The following MYO6 variants were observed in gnomAD, a reference collection of about 807,000 sequenced individuals.
The protein encoded by MYO6 is unconventional myosin-VI.
MYO6 carries 74 observed loss-of-function variants against 178.7 expected under a neutral mutation model. The observed-to-expected ratio is 0.41, with a 90% CI of 0.34 to 0.50. The LOEUF is 0.50. Among genes scored for constraint, MYO6 ranks in the 20% least tolerant of loss-of-function variants. MYO6 has a pLI of 0.09. For missense variants in MYO6, 1,330 were observed against 1,547.4 expected (o/e 0.86, Z 2.36); for synonymous variants, 477 against 504.6 (o/e 0.95, Z 0.73).
intron 10 of MYO6, among the ~76,000 whole-genome samples, chr6:75,845,521 C>T (rs1774647144): frequency 6.6e-6 from 1 of 150,770 alleles, no homozygotes; most frequent in Non-Finnish European, 1.5e-5. Flanking sequence ...AGTGAAACCC[C>T]ATCTTTACAA....
intron 1 of MYO6, among the ~76,000 whole-genome samples, chr6:75,782,431 G>A (rs929153254): frequency 2.0e-5 from 3 of 151,904 alleles, no homozygotes; most frequent in African/African-American, 7.3e-5. Context: ...GAAGGGGCAG[G>A]ACAGCATGAA....
At chr6:75,869,719 T>C (rs1205540179) in intron 18 of MYO6, among the ~76,000 whole-genome samples, 1 of 152,216 alleles carries the variant, frequency 6.6e-6, no homozygotes, top group Non-Finnish European at 1.5e-5. Context: ...TAATCAATGT[T>C]ATAAAAACAA....
intron 22 of MYO6, among the ~76,000 whole-genome samples, chr6:75,881,433 C>A (rs796115866): frequency 1.3e-4 from 18 of 140,242 alleles, no homozygotes; most frequent in African/African-American, 3.9e-4. Flanking sequence ...TCCCCCCCCC[C>A]CACTTTTGTT....
intron 1 of MYO6, among the ~76,000 whole-genome samples, chr6:75,791,338 G>T (rs1461279467): frequency 6.6e-6 from 1 of 152,152 alleles, no homozygotes; most frequent in East Asian, 1.9e-4. Flanking sequence ...GATTTTTAAG[G>T]TGAGATTTAA....
At chr6:75,909,782 G>A (rs1780624291) in intron 32 of MYO6, among the ~76,000 whole-genome samples, 1 of 152,160 alleles carries the variant, frequency 6.6e-6, no homozygotes. Flanking sequence ...ATTCCCAACA[G>A]TTGATAGTAT....
At chr6:75,758,489 C>T (rs1006449107) in intron 1 of MYO6, among the ~76,000 whole-genome samples, 3 of 152,048 alleles carry the variant, frequency 2.0e-5, no homozygotes, top group African/African-American at 7.2e-5. Context: ...GAGATGGAGT[C>T]TCGCTCTGTC....
intron 30 of MYO6, among the ~76,000 whole-genome samples, chr6:75,901,249 A>T (rs915801482): frequency 3.9e-5 from 6 of 152,028 alleles, no homozygotes; most frequent in Admixed American, 6.6e-5. Flanking sequence ...ACTTTAAAGT[A>T]GTTTTTTCCA....
chr6:75,885,133 G>A (rs1286279350), intron 23 of MYO6, among the ~76,000 whole-genome samples: 1 of 152,232 alleles, frequency 6.6e-6, no homozygotes, highest in African/African-American at 2.4e-5. Flanking sequence ...GATGGAGTTG[G>A]TTAGGTCAGA....
chr6:75,757,112 T>C (rs1258262748), intron 1 of MYO6, among the ~76,000 whole-genome samples: 1 of 147,222 alleles, frequency 6.8e-6, no homozygotes, highest in African/African-American at 2.5e-5. Flanking sequence ...ATTGTGTATA[T>C]ATGTGTATAT....
chr6:75,845,020 A>T, intron 10 of MYO6, 43 bp downstream of exon 10: 1 of 1,472,960 alleles, frequency 6.8e-7, no homozygotes, highest in Middle Eastern at 1.7e-4. Context: ...CTTAAAAAAA[A>T]ACTCATGCTG....
intron 31 of MYO6, 28 bp downstream of exon 31, chr6:75,907,736 G>T (rs1780438103): frequency 6.4e-7 from 1 of 1,559,162 alleles, no homozygotes; most frequent in South Asian, 1.1e-5. Context: ...ATCAAAAATA[G>T]AAAATGTTCA....
intron 1 of MYO6, among the ~76,000 whole-genome samples, chr6:75,750,610 T>C (rs560525043): frequency 6.6e-6 from 1 of 151,376 alleles, no homozygotes; most frequent in Admixed American, 6.6e-5. Context: ...GTTTTAAAAA[T>C]TAACTTTTTT....
chr6:75,769,667 C>T (rs1583018270), intron 1 of MYO6, among the ~76,000 whole-genome samples: 3 of 151,878 alleles, frequency 2.0e-5, no homozygotes, highest in Admixed American at 6.6e-5. Flanking sequence ...TTTGGGAGGC[C>T]GAGGTGGGTG....
At chr6:75,769,130 AC>A (rs1299189252) in intron 1 of MYO6, among the ~76,000 whole-genome samples, 1 of 152,058 alleles carries the variant, frequency 6.6e-6, no homozygotes, top group Non-Finnish European at 1.5e-5. Flanking sequence ...TGCCTGAAAC[AC>A]CTCCCATCAG....
intron 14 of MYO6, among the ~76,000 whole-genome samples, chr6:75,860,711 A>G (rs914230632): frequency 2.0e-5 from 3 of 152,222 alleles, no homozygotes; most frequent in East Asian, 1.9e-4. Flanking sequence ...GACACAAGAC[A>G]TATTTGAGGA....
At chr6:75,854,755 A>G (rs1486450637) in intron 11 of MYO6, among the ~76,000 whole-genome samples, 1 of 152,186 alleles carries the variant, frequency 6.6e-6, no homozygotes, top group Non-Finnish European at 1.5e-5. Context: ...GTTTGCACTA[A>G]AATTACTCCT....
intron 31 of MYO6, among the ~76,000 whole-genome samples, chr6:75,908,088 C>T (rs9443198): frequency 1.9e-3 from 291 of 152,276 alleles, no homozygotes; most frequent in African/African-American, 6.6e-3. Context: ...TTTCTCACTA[C>T]ACTTTCCTCC....
chr6:75,795,326 TC>T (rs1768692329), intron 1 of MYO6, among the ~76,000 whole-genome samples: 1 of 152,162 alleles, frequency 6.6e-6, no homozygotes, highest in Admixed American at 6.6e-5. Context: ...TACTTTTAAC[TC>T]CGGGGAAACT....
rs528669439 is a variant in MYO6, at chr6:75,762,517, G to T, written c.-48+13094G>T. Reference sequence around the variant, plus strand: ...TGCTCTTTTAAACACTCAGAGCTTTGAAAATCAAAGAGTTAATCTTTTCTG... The same window carrying T: ...TGCTCTTTTAAACACTCAGAGCTTTTAAAATCAAAGAGTTAATCTTTTCTG... On this transcript the variant is annotated intron_variant, in intron 1 of 34. Coordinates refer to ENST00000369977, the MANE Select transcript of MYO6 (RefSeq NM_004999.4). Among the ~76,000 whole-genome samples the T allele has an allele frequency of 2.0e-4, 31 of 152,280 alleles. No homozygotes were observed. The South Asian group carries it at 6.2e-3, about 31-fold the overall frequency.
Sources: allele counts gnomAD v4.1 joint callset (sites outside exome capture counted in the v4.1 genomes callset), GRCh38; gene constraint gnomAD v4.1.1; transcripts MANE v1.5; gene names NCBI Gene and HGNC (gene_info 2026-07-23, HGNC 2026-07-21).